The following LAMA2 variants were observed in gnomAD, a reference collection of about 807,000 sequenced individuals.
LAMA2 encodes laminin subunit alpha-2.
Under a neutral mutation model 364.8 loss-of-function variants are expected in LAMA2, and 269 were observed. That is an observed-to-expected ratio of 0.74 (90% CI 0.67 to 0.82). LAMA2 has a LOEUF of 0.82. Ranked by LOEUF, LAMA2 falls within the 40% of genes least tolerant of loss-of-function variation. The pLI is 0.00. For synonymous variants in LAMA2, 1,379 were observed against 1,370.6 expected, an observed-to-expected ratio of 1.01 and a Z score of -0.14; for missense variants, 3,807 against 3,873.2, an observed-to-expected ratio of 0.98 and a Z score of 0.45.
chr6:129,131,217 CTG>C (rs1332800472), intron 4 of LAMA2, among the ~76,000 whole-genome samples: 1 of 152,152 alleles, frequency 6.6e-6, no homozygotes, highest in African/African-American at 2.4e-5. Flanking sequence ...TTCATTCATG[CTG>C]TGTTTGTCAA....
chr6:129,341,170 A>G (rs1776248762), intron 29 of LAMA2, among the ~76,000 whole-genome samples: 1 of 152,204 alleles, frequency 6.6e-6, no homozygotes, highest in Non-Finnish European at 1.5e-5. Context: ...TTGTCTGGCC[A>G]TTAGAAGACA....
intron 30 of LAMA2, among the ~76,000 whole-genome samples, chr6:129,345,154 A>G (rs1406935933): frequency 1.3e-5 from 2 of 152,136 alleles, no homozygotes; most frequent in African/African-American, 4.8e-5. Context: ...TTTCTGAAGG[A>G]GTTCCAATGT....
At chr6:129,224,791 TTCTCTTTTTTGTTGTG>T (rs1181122363) in intron 12 of LAMA2, among the ~76,000 whole-genome samples, 1 of 152,206 alleles carries the variant, frequency 6.6e-6, no homozygotes, top group East Asian at 1.9e-4. Flanking sequence ...TAGTCAAAAA[TTCTCTTTTTTGTTGTG>T]TCTCTGCCAG....
intron 9 of LAMA2, among the ~76,000 whole-genome samples, chr6:129,169,923 C>T (rs1411896352): frequency 6.7e-6 from 1 of 149,800 alleles, no homozygotes; most frequent in African/African-American, 2.5e-5. Context: ...TTATCCATTT[C>T]TTCTAGATTT....
intron 3 of LAMA2, among the ~76,000 whole-genome samples, chr6:129,069,911 T>G (rs1452517530): frequency 6.6e-6 from 1 of 151,222 alleles, no homozygotes; most frequent in African/African-American, 2.4e-5. Context: ...ATATAAGACT[T>G]TTTCTAGAAA....
At chr6:129,283,378 A>C (rs1388177334) in intron 18 of LAMA2, among the ~76,000 whole-genome samples, 1 of 152,106 alleles carries the variant, frequency 6.6e-6, no homozygotes, top group Non-Finnish European at 1.5e-5. Context: ...TTTCAGAATA[A>C]GTTTGTAACC....
At chr6:129,295,986 T>A (rs994938260) in intron 20 of LAMA2, among the ~76,000 whole-genome samples, 1 of 151,952 alleles carries the variant, frequency 6.6e-6, no homozygotes. Context: ...TCTGGTGGTA[T>A]GGGTATGTAA....
chr6:129,341,518 T>C (rs1323718827), intron 29 of LAMA2, among the ~76,000 whole-genome samples: 1 of 152,236 alleles, frequency 6.6e-6, no homozygotes. Context: ...GCATTCTTGC[T>C]GCCATGTTTA....
rs186719820 is a variant in LAMA2, at chr6:129,015,503, T to A, written c.113-34415T>A. ...TTTCACCATGAAAAACATTAAACAT[T>A]TTAAGTATATAATATGAAATATACC... On this transcript the variant is annotated intron_variant, in intron 1 of 64. Transcript: ENST00000421865. 4.6e-5 allele frequency among the ~76,000 whole-genome samples: 7 copies of A among 152,220 alleles called. No individual in the cohort carries two copies. The East Asian group carries it at 1.4e-3, about 29-fold the overall frequency.
intron 3 of LAMA2, among the ~76,000 whole-genome samples, chr6:129,073,728 T>G (rs2114823467): frequency 1.3e-5 from 2 of 152,280 alleles, no homozygotes; most frequent in South Asian, 4.1e-4. Context: ...CATTTGATAC[T>G]TTAAAAAAAT....
chr6:129,487,648 A>G (rs1784657839), intron 56 of LAMA2, among the ~76,000 whole-genome samples: 2 of 152,210 alleles, frequency 1.3e-5, no homozygotes, highest in African/African-American at 2.4e-5. Context: ...CATTTAGATA[A>G]GCAATAAAGA....
intron 1 of LAMA2, among the ~76,000 whole-genome samples, chr6:128,957,179 T>C (rs1781206152): frequency 6.6e-6 from 1 of 152,172 alleles, no homozygotes; most frequent in Non-Finnish European, 1.5e-5. Context: ...TGAGTATTTA[T>C]GATGTGCAAG....
intron 40 of LAMA2, among the ~76,000 whole-genome samples, chr6:129,416,555 C>T (rs1289353289): frequency 6.6e-6 from 1 of 152,082 alleles, no homozygotes; most frequent in East Asian, 1.9e-4. Flanking sequence ...CAGAGCCAGA[C>T]CCTTTGGGCC....
chr6:129,461,396 A>C (rs1203648380), intron 49 of LAMA2, among the ~76,000 whole-genome samples: 1 of 152,042 alleles, frequency 6.6e-6, no homozygotes, highest in Non-Finnish European at 1.5e-5. Flanking sequence ...TGGACTTGTC[A>C]ACATGAAATT....
chr6:129,442,012 C>A (rs887420769), intron 43 of LAMA2, among the ~76,000 whole-genome samples: 11 of 152,076 alleles, frequency 7.2e-5, no homozygotes, highest in African/African-American at 2.7e-4. Context: ...ATCTTGGTAT[C>A]CTTGTTACAT....
intron 49 of LAMA2, among the ~76,000 whole-genome samples, chr6:129,463,359 T>G (rs1783363514): frequency 6.6e-6 from 1 of 151,980 alleles, no homozygotes; most frequent in South Asian, 2.1e-4. Context: ...GGACTCATAT[T>G]ATTTCTCATC....
intron 16 of LAMA2, among the ~76,000 whole-genome samples, chr6:129,268,510 T>G (rs948542278): frequency 6.6e-6 from 1 of 152,064 alleles, no homozygotes; most frequent in African/African-American, 2.4e-5. Context: ...ATGAATTCAT[T>G]AGGATAAAAT....
intron 1 of LAMA2, among the ~76,000 whole-genome samples, chr6:128,887,851 C>G (rs750582032): frequency 6.6e-6 from 1 of 152,102 alleles, no homozygotes; most frequent in African/African-American, 2.4e-5. Flanking sequence ...GCCTGGGCAA[C>G]AGAGGGAGAC....
At chr6:128,945,637 T>C (rs543147426) in intron 1 of LAMA2, among the ~76,000 whole-genome samples, 1 of 152,318 alleles carries the variant, frequency 6.6e-6, no homozygotes, top group South Asian at 2.1e-4. Context: ...GACTTTTAAG[T>C]TGTGGTTGCT....
Sources: allele counts gnomAD v4.1 joint callset (sites outside exome capture counted in the v4.1 genomes callset), GRCh38; gene constraint gnomAD v4.1.1; transcripts MANE v1.5; gene names NCBI Gene and HGNC (gene_info 2026-07-23, HGNC 2026-07-21).